The following ME3 variants were observed in gnomAD, a reference collection of about 807,000 sequenced individuals.
The protein encoded by ME3 is malic enzyme 3.
Under a neutral mutation model 68.9 loss-of-function variants are expected in ME3, and 48 were observed. The ratio of observed to expected loss-of-function variants is 0.70; its 90% confidence interval spans 0.55 to 0.89. The LOEUF (loss-of-function observed/expected upper bound fraction) is 0.89. Among genes scored for constraint, ME3 ranks in the 40% least tolerant of loss-of-function variants. The pLI is 0.00. For synonymous variants in ME3, 320 were observed against 318.8 expected, an observed-to-expected ratio of 1.00 and a Z score of -0.04; for missense variants, 675 against 797.4, an observed-to-expected ratio of 0.85 and a Z score of 1.85.
At chr11:86,671,334 C>A (rs1164088245) in intron 2 of ME3, among the ~76,000 whole-genome samples, 2 of 152,292 alleles carry the variant, frequency 1.3e-5, no homozygotes, top group African/African-American at 4.8e-5. Flanking sequence ...TTCTAACGTA[C>A]CCCCATTTTC....
rs141544220 is a variant in ME3 at position 86,588,550 on chromosome 11, G to A, written c.184-28727C>T. Among the ~76,000 whole-genome samples the A allele has an allele frequency of 6.7e-3, 1,024 of 152,232 alleles. 13 individuals carry two copies. Among genetic ancestry groups the A allele is most frequent in the African/African-American group, 0.021 (879 of 41,528 alleles). ...AAACGCCATATTTCAACCCCAATACGTTTGGCTTACTAGAGCAGAAAGGGC... is the reference window on the plus strand; with the variant it reads ...AAACGCCATATTTCAACCCCAATACATTTGGCTTACTAGAGCAGAAAGGGC... On this transcript the variant is annotated intron_variant, in intron 2 of 14. Coordinates refer to ENST00000543262, the Ensembl canonical transcript of ME3.
the ME3 span, chr11:86,435,191 AC>A: frequency 6.6e-6 from 1 of 152,256 alleles, no homozygotes; most frequent in African/African-American, 2.4e-5. Context: ...TTCTCTCACC[AC>A]AATTCAATTA....
At chr11:86,615,145 A>G (rs989111253) in intron 2 of ME3, among the ~76,000 whole-genome samples, 1 of 152,156 alleles carries the variant, frequency 6.6e-6, no homozygotes, top group Non-Finnish European at 1.5e-5. Context: ...CTATTCTTCC[A>G]TCGGTACAAA....
intron 2 of ME3, among the ~76,000 whole-genome samples, chr11:86,643,650 AT>A (rs1178986053): frequency 2.6e-5 from 4 of 152,162 alleles, no homozygotes; most frequent in Non-Finnish European, 5.9e-5. Flanking sequence ...TGGACAAATT[AT>A]TGATAACATA....
At chr11:86,585,142 G>A (rs1278931870) in intron 2 of ME3, among the ~76,000 whole-genome samples, 1 of 152,184 alleles carries the variant, frequency 6.6e-6, no homozygotes. Context: ...TGTGCAGTGT[G>A]TAGGTGACTT....
At chr11:86,472,147 C>T (rs1252433715) in intron 7 of ME3, among the ~76,000 whole-genome samples, 1 of 152,102 alleles carries the variant, frequency 6.6e-6, no homozygotes, top group Non-Finnish European at 1.5e-5. Context: ...ACAGCATATG[C>T]ATGAGGACTG....
chr11:86,462,614 A>G (rs1323867045), intron 8 of ME3: 1 of 1,287,552 alleles, frequency 7.8e-7, no homozygotes, highest in Non-Finnish European at 1.0e-6. Context: ...ATGTGTAGAC[A>G]TCATTCATAT....
rs5793205 is a variant in ME3 at position 86,637,967 on chromosome 11, TACACACACACAC to T, written c.183+33783_183+33794del. ...ATATATGTGCAGACATGCTCATGCA[TACACACACACAC>T]ACACACACACACACACACACACACA... On this transcript the variant is annotated intron_variant, in intron 2 of 14. Transcript: ENST00000543262. 1.9e-4 allele frequency among the ~76,000 whole-genome samples: 27 copies of T among 145,162 alleles called. 2 individuals carry two copies. Among genetic ancestry groups the T allele is most frequent in the Admixed American group, 6.1e-4 (9 of 14,768 alleles).
chr11:86,482,172 A>G (rs1029272373), intron 7 of ME3, among the ~76,000 whole-genome samples: 6 of 152,130 alleles, frequency 3.9e-5, no homozygotes, highest in Admixed American at 3.3e-4. Context: ...TCCCAACTTT[A>G]TGTTTCTGCA....
intron 8 of ME3, among the ~76,000 whole-genome samples, chr11:86,460,301 G>A (rs1950167651): frequency 6.6e-6 from 1 of 152,208 alleles, no homozygotes. Flanking sequence ...GCCCTGGGGA[G>A]CTCTCTTCCC....
intron 2 of ME3, among the ~76,000 whole-genome samples, chr11:86,573,373 G>T (rs1957913554): frequency 6.6e-6 from 1 of 150,578 alleles, no homozygotes. Flanking sequence ...GTCCTGAATG[G>T]TATTGCCTAG....
intron 7 of ME3, among the ~76,000 whole-genome samples, chr11:86,483,993 G>A (rs1951556558): frequency 6.6e-6 from 1 of 152,176 alleles, no homozygotes; most frequent in Non-Finnish European, 1.5e-5. Flanking sequence ...GGGGCAATCA[G>A]TCCTTGCCAT....
intron 4 of ME3, among the ~76,000 whole-genome samples, chr11:86,530,482 G>T (rs1241929584): frequency 6.6e-6 from 1 of 152,132 alleles, no homozygotes; most frequent in Non-Finnish European, 1.5e-5. Flanking sequence ...TTTCTTCACA[G>T]AATTGGAAAA....
In ME3 at chr11:86,653,769, G is replaced by C. The variant is rs540427064; in HGVS notation, c.183+17993C>G. Among the ~76,000 whole-genome samples, 7 of 152,262 alleles carry C rather than the reference G, an allele frequency of 4.6e-5. No individual in the cohort carries two copies. The South Asian group carries it at 8.3e-4, about 18-fold the overall frequency. ...TCAGAGCTGAACTGAAGGAGAGAGC[G>C]ACACAAAAATCCCTTCAAAAAATCA... On this transcript the variant is annotated intron_variant, in intron 2 of 14. Transcript: ENST00000543262.
At chr11:86,643,007 T>G (rs1944765838) in intron 2 of ME3, among the ~76,000 whole-genome samples, 1 of 152,170 alleles carries the variant, frequency 6.6e-6, no homozygotes, top group Admixed American at 6.5e-5. Flanking sequence ...TTTTTTGACA[T>G]GTTGACAATA....
intron 4 of ME3, among the ~76,000 whole-genome samples, chr11:86,541,990 G>T (rs113659445): frequency 6.6e-6 from 1 of 152,164 alleles, no homozygotes; most frequent in African/African-American, 2.4e-5. Context: ...TGCAGCCTCC[G>T]CTGGTGATAC....
At chr11:86,604,698 C>T (rs1319729452) in intron 2 of ME3, among the ~76,000 whole-genome samples, 2 of 152,032 alleles carry the variant, frequency 1.3e-5, no homozygotes, top group Admixed American at 1.3e-4. Flanking sequence ...TTTTATAGAT[C>T]AGGGAACTGA....
At chr11:86,593,959 A>C (rs905321318) in intron 2 of ME3, among the ~76,000 whole-genome samples, 4 of 146,562 alleles carry the variant, frequency 2.7e-5, no homozygotes, top group African/African-American at 1.0e-4. Context: ...TTTTCTTCAG[A>C]TTGAACTATA....
chr11:86,453,392 T>C (rs1243004778), intron 8 of ME3, among the ~76,000 whole-genome samples: 1 of 152,194 alleles, frequency 6.6e-6, no homozygotes, highest in Admixed American at 6.5e-5. Flanking sequence ...AATTATTGGG[T>C]AATTGTTTAT....
Sources: gnomAD v4.1 joint callset for allele counts (sites outside exome capture counted in the v4.1 genomes callset) on GRCh38, gnomAD v4.1.1 for gene constraint, MANE v1.5 for transcripts, NCBI Gene and HGNC (gene_info 2026-07-23, HGNC 2026-07-21) for gene names.